Variants in KLRD1 observed in about 807,000 individuals in gnomAD.
KLRD1 encodes the protein killer cell lectin like receptor D1, also known as natural killer cells antigen CD94.
KLRD1 carries 21 observed loss-of-function variants against 22.6 expected under a neutral mutation model. That is an observed-to-expected ratio of 0.93 (90% CI 0.66 to 1.34). KLRD1 has a LOEUF of 1.34. Ranked by LOEUF, KLRD1 falls within the 40% of genes most tolerant of loss-of-function variation. KLRD1 has a pLI of 0.00. For missense variants in KLRD1, 183 were observed against 208.6 expected (o/e 0.88, Z 0.76); for synonymous variants, 59 against 71.1 (o/e 0.83, Z 0.85).
At chr12:10,303,252 T>C (rs907428033), upstream of KLRD1, among the ~76,000 whole-genome samples, 4 of 152,184 alleles carry the variant, frequency 2.6e-5, no homozygotes, top group Admixed American at 2.6e-4. Flanking sequence ...TTTATGCTTA[T>C]CCTCTTTTCC....
Position 10,246,629 on chromosome 12 carries a change from A to G in KLRD1, c.-101+20396A>G, listed in dbSNP as rs1240700502. Among the ~76,000 whole-genome samples, 5 of 152,290 alleles carry G rather than the reference A, an allele frequency of 3.3e-5. No individual in the cohort carries two copies. The East Asian group carries it at 7.7e-4, about 24-fold the overall frequency. The stretch of plus-strand genomic sequence containing the variant: ...TATTCTATGGATAAAATTAAAATGC[A>G]TATTCTATTTTATTCTGTAATTATA... On this transcript the variant is annotated intron_variant, in intron 1 of 5. Transcript: ENST00000544747.
chr12:10,243,631 A>AAAAAAAAG lies in KLRD1; in HGVS notation c.-101+17400_-101+17401insAAAAAGAA, dbSNP rs771543645. On this transcript the variant is annotated intron_variant, in intron 1 of 5. Coordinates refer to the KLRD1 transcript ENST00000544747. ...CCAAAAAAAAAAAAAAAAAAAAAAAAAACCGAAATGAAAGATATGGAACAA... is the reference window on the plus strand; with the variant it reads ...CCAAAAAAAAAAAAAAAAAAAAAAAAAAAAAAAGAACCGAAATGAAAGATATGGAACAA... 4.9e-3 allele frequency among the ~76,000 whole-genome samples: 583 copies of AAAAAAAAG among 118,754 alleles called. 100 individuals carry two copies. Among genetic ancestry groups the AAAAAAAAG allele is most frequent in the African/African-American group, 0.022 (524 of 24,092 alleles). The allele number at this position is 118,754 out of a possible 152,430, so 77.9% of individuals were successfully genotyped here.
intron 1 of KLRD1, among the ~76,000 whole-genome samples, chr12:10,292,214 ACTT>A (rs1444646575): frequency 6.6e-6 from 1 of 152,154 alleles, no homozygotes. Context: ...ATTGGAATCA[ACTT>A]CTTCTAAACT....
chr12:10,309,780 T>A (rs1950015927), intron 3 of KLRD1, 92 bp downstream of exon 3: 1 of 850,330 alleles, frequency 1.2e-6, no homozygotes, highest in Admixed American at 2.2e-5. Flanking sequence ...TGGAATATTA[T>A]ACTTAGTAAT....
intron 1 of KLRD1, among the ~76,000 whole-genome samples, chr12:10,281,763 C>T (rs1477475368): frequency 6.6e-6 from 1 of 152,202 alleles, no homozygotes; most frequent in African/African-American, 2.4e-5. Context: ...TGAAATGACA[C>T]ATTCCCGTGA....
chr12:10,291,947 C>T (rs1425248692), intron 1 of KLRD1, among the ~76,000 whole-genome samples: 1 of 152,170 alleles, frequency 6.6e-6, no homozygotes, highest in Non-Finnish European at 1.5e-5. Context: ...CCAGCTTCAT[C>T]CATGTCCCTG....
rs146679774 is a variant in KLRD1 at position 10,253,382 on chromosome 12, G to A, written c.-101+27149G>A. On this transcript the variant is annotated intron_variant, in intron 1 of 5. Transcript: ENST00000544747. ...GTTTAGTTTTCATTGCAATGTCTTC[G>A]GATTCGGGCATCTTTTCTTTCACAG... is the stretch of plus-strand genomic sequence containing the variant. Among the ~76,000 whole-genome samples the A allele has an allele frequency of 3.8e-3, 568 of 149,182 alleles. 4 individuals are homozygous for A. Among genetic ancestry groups the A allele is most frequent in the African/African-American group, 0.013 (512 of 40,864 alleles).
At chr12:10,260,963 A>AC (rs748208860) in intron 1 of KLRD1, among the ~76,000 whole-genome samples, 57 of 30,570 alleles carry the variant, frequency 1.9e-3, no homozygotes, top group Non-Finnish European at 7.7e-3. Flanking sequence ...ACAACAAAAA[A>AC]CCAAAAAAAA....
intron 1 of KLRD1, among the ~76,000 whole-genome samples, chr12:10,275,580 A>C (rs894411936): frequency 6.6e-6 from 1 of 152,168 alleles, no homozygotes; most frequent in African/African-American, 2.4e-5. Context: ...ACCTTATCCG[A>C]AGCATGTAGT....
chr12:10,283,549 T>C (rs1483172896), intron 1 of KLRD1, among the ~76,000 whole-genome samples: 3 of 151,998 alleles, frequency 2.0e-5, no homozygotes, highest in Non-Finnish European at 2.9e-5. Context: ...ATATTAAAAT[T>C]AAATAAAACA....
intron 1 of KLRD1, among the ~76,000 whole-genome samples, chr12:10,293,007 A>C (rs184782340): frequency 2.4e-3 from 353 of 146,948 alleles, no homozygotes; most frequent in Non-Finnish European, 4.1e-3. Context: ...TCAAGAAGCA[A>C]CCTCTGCTAG....
chr12:10,287,065 G>A (rs1350382028), intron 1 of KLRD1, among the ~76,000 whole-genome samples: 3 of 152,124 alleles, frequency 2.0e-5, no homozygotes, highest in Admixed American at 1.3e-4. Flanking sequence ...GAACCCGGGA[G>A]GCAGAGGTTG....
At position 10,323,806 on chromosome 12, in the gene KLRD1, C is replaced by T. The variant is rs1325252814; in HGVS notation, c.*9013C>T. 2 of 149,918 alleles carry T rather than the reference C, an allele frequency of 1.3e-5. No homozygotes were observed. Among genetic ancestry groups the T allele is most frequent in the Non-Finnish European group, 1.5e-5 (1 of 67,616 alleles). The allele number at this position is 149,918 out of a possible 1,614,324, so 9.3% of individuals were successfully genotyped here. The stretch of plus-strand genomic sequence containing the variant: ...ATTCAGCATCATAATAGTTTTTATA[C>T]TCATCTATGTTGATACATGTATCAA... On this transcript the variant is annotated 3_prime_UTR_variant, in exon 6 of 6. Coordinates refer to ENST00000336164, the MANE Select transcript of KLRD1 (RefSeq NM_002262.5).
chr12:10,260,883 A>G (rs1949447016), intron 1 of KLRD1, among the ~76,000 whole-genome samples: 1 of 152,006 alleles, frequency 6.6e-6, no homozygotes, highest in East Asian at 1.9e-4. Context: ...TGGAGCTTGC[A>G]GTGAGCTGAG....
At chr12:10,253,020 T>G (rs1390150858) in intron 1 of KLRD1, among the ~76,000 whole-genome samples, 1 of 152,092 alleles carries the variant, frequency 6.6e-6, no homozygotes, top group Admixed American at 6.5e-5. Flanking sequence ...ATCCTCTGCA[T>G]AAAACATTTC....
At chr12:10,254,181 C>T (rs1464884771) in intron 1 of KLRD1, among the ~76,000 whole-genome samples, 1 of 152,110 alleles carries the variant, frequency 6.6e-6, no homozygotes, top group Non-Finnish European at 1.5e-5. Flanking sequence ...GTAATCCCAG[C>T]ACTTTGGGAG....
At chr12:10,258,815 G>C (rs1446088787) in intron 1 of KLRD1, among the ~76,000 whole-genome samples, 1 of 152,054 alleles carries the variant, frequency 6.6e-6, no homozygotes, top group Non-Finnish European at 1.5e-5. Context: ...TCACACAAAT[G>C]CATATGGCTA....
At chr12:10,309,807 G>C in intron 3 of KLRD1, 119 bp downstream of exon 3, 1 of 689,842 alleles carries the variant, frequency 1.4e-6, no homozygotes, top group Non-Finnish European at 2.6e-6. Flanking sequence ...TTGCCTACCA[G>C]TGTAGGATAG....
chr12:10,309,329 A>C, intron 1 of KLRD1, 59 bp from the exon 2 acceptor site: 1 of 780,120 alleles, frequency 1.3e-6, no homozygotes, highest in African/African-American at 1.7e-5. Flanking sequence ...TTCTGCTTTT[A>C]AGAACTCAGC....
Sources: gnomAD v4.1 joint callset for allele counts (sites outside exome capture counted in the v4.1 genomes callset) on GRCh38, gnomAD v4.1.1 for gene constraint, MANE v1.5 for transcripts, NCBI Gene and HGNC (gene_info 2026-07-23, HGNC 2026-07-21) for gene names.